Variants in GPR26 observed in about 807,000 individuals in gnomAD.
GPR26 encodes G protein-coupled receptor 26.
GPR26 carries 15 observed loss-of-function variants against 23.1 expected under a neutral mutation model. The observed-to-expected ratio is 0.65, with a 90% confidence interval of 0.43 to 1.00. The LOEUF (loss-of-function observed/expected upper bound fraction) is 1.00, where lower values mean the gene tolerates loss of function less well. GPR26 is among the 50% of genes least tolerant of loss of function. The pLI, the probability that GPR26 is intolerant of heterozygous loss-of-function variation, is 0.00. For synonymous variants in GPR26, 228 were observed against 222.1 expected (o/e 1.03, Z -0.24); for missense variants, 359 against 470.5 (o/e 0.76, Z 2.19).
intron 2 of GPR26, among the ~76,000 whole-genome samples, chr10:123,680,045 G>A (rs775403132): frequency 6.6e-6 from 1 of 152,234 alleles, no homozygotes; most frequent in Non-Finnish European, 1.5e-5. Context: ...AGGCTCTCTT[G>A]AGAACAGCAG....
rs889862598 is a variant in GPR26 at position 123,688,873 on chromosome 10, T to C, written c.*713T>C. The C allele has an allele frequency of 6.6e-6, 1 of 152,560 alleles. No individual in the cohort carries two copies. The highest frequency in any genetic ancestry group is 2.4e-5 in the African/African-American group (1 of 41,442). 9.5% of individuals were successfully genotyped at this position (152,560 alleles called of 1,614,324 possible). ...TGTGCAGACAATCTTAGCATGAAAA[T>C]GGTTTAAATAGGCTGGTCCTACATG... On this transcript the variant is annotated 3_prime_UTR_variant, in exon 3 of 3. Coordinates refer to ENST00000284674, the MANE Select transcript of GPR26 (RefSeq NM_153442.4).
At chr10:123,679,900 C>T (rs2133927547) in intron 2 of GPR26, among the ~76,000 whole-genome samples, 1 of 152,370 alleles carries the variant, frequency 6.6e-6, no homozygotes, top group African/African-American at 2.4e-5. Context: ...GGACTCCCAT[C>T]AGCCCACTGC....
chr10:123,669,579 T>C (rs902564999), intron 1 of GPR26, among the ~76,000 whole-genome samples: 2 of 151,954 alleles, frequency 1.3e-5, no homozygotes, highest in Non-Finnish European at 2.9e-5. Context: ...GCAGCCGGAG[T>C]CTTTGCTCAC....
In GPR26 at chr10:123,689,590, G is replaced by A. The variant is rs1444758366; in HGVS notation, c.*1430G>A. On this transcript the variant is annotated 3_prime_UTR_variant, in exon 3 of 3. Transcript: ENST00000284674. ...AGCACGGGGAGCAATGGAATCAGATGGCTCATTCTCTCCTTCCAGCTCTTT... is the reference window on the plus strand; with the variant it reads ...AGCACGGGGAGCAATGGAATCAGATAGCTCATTCTCTCCTTCCAGCTCTTT... The A allele has an allele frequency of 6.6e-6, 1 of 152,138 alleles. No individual in the cohort carries two copies. The highest frequency in any genetic ancestry group is 6.5e-5 in the Admixed American group (1 of 15,286). The allele number at this position is 152,138 out of a possible 1,614,324, so 9.4% of individuals were successfully genotyped here.
chr10:123,680,197 T>C (rs1845354797), intron 2 of GPR26, among the ~76,000 whole-genome samples: 1 of 152,198 alleles, frequency 6.6e-6, no homozygotes, highest in Admixed American at 6.5e-5. Flanking sequence ...ATCCCTGAGA[T>C]GGGAGACTCC....
intron 1 of GPR26, among the ~76,000 whole-genome samples, chr10:123,671,874 G>C (rs962192537): frequency 1.3e-5 from 2 of 152,228 alleles, no homozygotes; most frequent in Non-Finnish European, 2.9e-5. Flanking sequence ...TCATAGGGCT[G>C]CAAGATTTCA....
At chr10:123,684,999 C>T (rs1401382002) in intron 2 of GPR26, among the ~76,000 whole-genome samples, 2 of 152,230 alleles carry the variant, frequency 1.3e-5, no homozygotes, top group African/African-American at 4.8e-5. Flanking sequence ...ACACTGGAGA[C>T]TTCTGCTCTG....
At chr10:123,675,428 A>G (rs1441625906) in intron 2 of GPR26, among the ~76,000 whole-genome samples, 1 of 152,150 alleles carries the variant, frequency 6.6e-6, no homozygotes, top group Non-Finnish European at 1.5e-5. Flanking sequence ...CCAGGTGGGC[A>G]TACTTGTCCT....
intron 1 of GPR26, among the ~76,000 whole-genome samples, chr10:123,673,921 C>CTCTTCTTCTTCTTCT (rs10699563): frequency 2.0e-5 from 3 of 150,164 alleles, no homozygotes; most frequent in African/African-American, 7.4e-5. Context: ...CTTCCTCTTC[C>CTCTTCTTCTTCTTCT]TCTTCTTCTT....
In GPR26 at chr10:123,675,833, C is replaced by CGT. The variant is rs56201657; in HGVS notation, c.782+923_782+924dup. Reference sequence around the variant, plus strand: ...GTGTGTGTGTACGTGTGTGTGTGTACGTGTGTGTGTGTGTGTGTGTGTAAG... The same window carrying CGT: ...GTGTGTGTGTACGTGTGTGTGTGTACGTGTGTGTGTGTGTGTGTGTGTGTAAG... On this transcript the variant is annotated intron_variant, in intron 2 of 2. Transcript: ENST00000284674. 8.3e-3 allele frequency among the ~76,000 whole-genome samples: 1,111 copies of CGT among 134,144 alleles called. 15 individuals carry two copies. Among genetic ancestry groups the CGT allele is most frequent in the African/African-American group, 0.021 (752 of 35,962 alleles). 88.0% of individuals were successfully genotyped at this position (134,144 alleles called of 152,430 possible). A position where few individuals can be genotyped will look rare whatever the true frequency, so the allele number is the denominator to read the frequency against.
Position 123,688,216 on chromosome 10 carries a change from G to T in GPR26, c.*56G>T. ...TGAGGCAGCGGTGAGAAGAAGGGTG[G>T]GAGGGCGTGGGGGCCCCTGGGTGGA... On this transcript the variant is annotated 3_prime_UTR_variant, in exon 3 of 3. Coordinates refer to ENST00000284674, the MANE Select transcript of GPR26 (RefSeq NM_153442.4). 2 of 998,638 alleles carry T rather than the reference G, an allele frequency of 2.0e-6. No homozygotes were observed. 61.9% of individuals were successfully genotyped at this position (998,638 alleles called of 1,614,324 possible). A position where few individuals can be genotyped will look rare whatever the true frequency, so the allele number is the denominator to read the frequency against.
rs1188956139 is a variant in GPR26 at position 123,686,587 on chromosome 10, C to T, written c.783-1342C>T. Among the ~76,000 whole-genome samples, 4 of 147,682 alleles carry T rather than the reference C, an allele frequency of 2.7e-5. No homozygotes were observed. The East Asian group carries it at 7.7e-4, about 29-fold the overall frequency. ...ACACTCCACCAGCTTCCTCCTCCTC[C>T]TCTTCGCCAGCTCTACAGCCCAAAG... On this transcript the variant is annotated intron_variant, in intron 2 of 2. Coordinates refer to ENST00000284674, the MANE Select transcript of GPR26 (RefSeq NM_153442.4).
rs762264431 is a variant in GPR26 at position 123,680,826 on chromosome 10, TTG to T, written c.782+5896_782+5897del. 4.2e-3 allele frequency among the ~76,000 whole-genome samples: 481 copies of T among 114,372 alleles called. 32 individuals are homozygous for T. The highest frequency in any genetic ancestry group is 0.013 in the African/African-American group (372 of 29,520). 75.0% of individuals were successfully genotyped at this position (114,372 alleles called of 152,430 possible). ...GTTTTTTTTGTTTTGTTTTGTTTTTTTGGGGGGGGGGGTTGTTTTTTTGTTTT... is the reference window on the plus strand; with the variant it reads ...GTTTTTTTTGTTTTGTTTTGTTTTTTGGGGGGGGGGTTGTTTTTTTGTTTT... On this transcript the variant is annotated intron_variant, in intron 2 of 2. Coordinates refer to ENST00000284674, the MANE Select transcript of GPR26 (RefSeq NM_153442.4).
At chr10:123,675,819 C>CGTGTGTGTGTGTGTGTGT (rs1176442924) in intron 2 of GPR26, among the ~76,000 whole-genome samples, 1 of 16,680 alleles carries the variant, frequency 6.0e-5, no homozygotes, top group African/African-American at 2.1e-4. Flanking sequence ...TGTGTGTGTA[C>CGTGTGTGTGTGTGTGTGT]GTGTGTGTGT....
chr10:123,679,972 G>C (rs1465313855), intron 2 of GPR26, among the ~76,000 whole-genome samples: 2 of 152,218 alleles, frequency 1.3e-5, no homozygotes, highest in African/African-American at 4.8e-5. Flanking sequence ...GAACATCCAG[G>C]GGTAGGTCCT....
At chr10:123,680,738 C>G (rs529658946) in intron 2 of GPR26, among the ~76,000 whole-genome samples, 1 of 150,778 alleles carries the variant, frequency 6.6e-6, no homozygotes, top group East Asian at 2.0e-4. Flanking sequence ...AGTCCTCACT[C>G]TGTACCTGAA....
At chr10:123,679,369 G>A (rs1845343783) in intron 2 of GPR26, among the ~76,000 whole-genome samples, 1 of 152,192 alleles carries the variant, frequency 6.6e-6, no homozygotes, top group Admixed American at 6.5e-5. Context: ...GCTGGGAGAG[G>A]CACGCAAGCT....
rs1178949198 is a variant in GPR26, at chr10:123,666,779, G to C, written c.372G>C (p.Ala124=). Residue 124 remains alanine (A), a synonymous_variant, in exon 1 of 3, where the codon GCG becomes GCC. Transcript: ENST00000284674. ...CCAAGATGCGCCTCCGCGACGCGGC[G>C]CTCATGGTGGCCTACACGTGGCTGC... The part of the protein sequence containing the change: ...YRAKMRLRDA[A]LMVAYTWLHA... 1.9e-6 allele frequency: 3 copies of C among 1,604,336 alleles called. No homozygotes were observed. The highest frequency in any genetic ancestry group is 2.5e-6 in the Non-Finnish European group (3 of 1,177,484).
At chr10:123,675,649 T>C (rs1337397610) in intron 2 of GPR26, among the ~76,000 whole-genome samples, 2 of 151,984 alleles carry the variant, frequency 1.3e-5, no homozygotes, top group Non-Finnish European at 2.9e-5. Flanking sequence ...TTTTGTGCAC[T>C]GGAGGGAAAA....
Sources: gnomAD v4.1 joint callset for allele counts (sites outside exome capture counted in the v4.1 genomes callset) on GRCh38, gnomAD v4.1.1 for gene constraint, MANE v1.5 for transcripts, NCBI Gene and HGNC (gene_info 2026-07-23, HGNC 2026-07-21) for gene names.